NKAIN2: variants seen among roughly 807,000 people sequenced by gnomAD.
NKAIN2 encodes sodium/potassium transporting ATPase interacting 2.
A neutral mutation model predicts 32.6 loss-of-function variants in NKAIN2; 14 were observed. That is an observed-to-expected ratio of 0.43 (90% CI 0.28 to 0.67). The LOEUF is 0.67. NKAIN2 is among the 30% of genes least tolerant of loss of function. NKAIN2 has a pLI of 0.17. For missense variants in NKAIN2, 198 were observed against 258.3 expected (o/e 0.77, Z 1.60); for synonymous variants, 80 against 87.2 (o/e 0.92, Z 0.46).
At chr6:124,043,124 G>T (rs1036350481) in intron 1 of NKAIN2, among the ~76,000 whole-genome samples, 1 of 152,036 alleles carries the variant, frequency 6.6e-6, no homozygotes, top group South Asian at 2.1e-4. Context: ...TTGGGAGGCC[G>T]AGGTGGGCGG....
chr6:124,345,298 T>C (rs940201671), intron 2 of NKAIN2, among the ~76,000 whole-genome samples: 1 of 152,192 alleles, frequency 6.6e-6, no homozygotes, highest in African/African-American at 2.4e-5. Flanking sequence ...AATTCTCTTT[T>C]TTGGTTGTGT....
chr6:124,785,757 C>A (rs554017198), intron 4 of NKAIN2, among the ~76,000 whole-genome samples: 3 of 152,288 alleles, frequency 2.0e-5, no homozygotes, highest in Admixed American at 2.0e-4. Context: ...GTGGCTTTCA[C>A]TGATGCCATG....
intron 3 of NKAIN2, among the ~76,000 whole-genome samples, chr6:124,456,741 T>G (rs767450060): frequency 6.6e-6 from 1 of 151,998 alleles, no homozygotes; most frequent in Non-Finnish European, 1.5e-5. Context: ...CTTTTTAATG[T>G]GTTTATGATA....
intron 2 of NKAIN2, among the ~76,000 whole-genome samples, chr6:124,354,130 G>T (rs566805530): frequency 6.6e-6 from 1 of 152,098 alleles, no homozygotes; most frequent in African/African-American, 2.4e-5. Context: ...CTTCTGGAAG[G>T]TGTTTCTTAA....
intron 1 of NKAIN2, among the ~76,000 whole-genome samples, chr6:123,913,029 A>G (rs948857871): frequency 2.0e-5 from 3 of 152,180 alleles, no homozygotes; most frequent in African/African-American, 7.2e-5. Context: ...ATTGAATTCA[A>G]TATTATAGTA....
chr6:124,028,702 CACGTGTATATATACGTGTATAT>C (rs1260740571), intron 1 of NKAIN2, among the ~76,000 whole-genome samples: 1 of 149,000 alleles, frequency 6.7e-6, no homozygotes, highest in Admixed American at 6.7e-5. Context: ...TACATGTATA[CACGTGTATATATACGTGTATAT>C]ACGTGTATAC....
rs549619660 is a variant in NKAIN2 at position 124,121,952 on chromosome 6, C to T, written c.55-161053C>T. On this transcript the variant is annotated intron_variant, in intron 1 of 6. Coordinates refer to ENST00000368417, the MANE Select transcript of NKAIN2 (RefSeq NM_001040214.3). The stretch of plus-strand genomic sequence containing the variant: ...ACAAATATCTTAACCGTGAGTTTTT[C>T]AGAGTAATATTTTTCCATTTGTGTC... 856 of 1,112,152 alleles carry T rather than the reference C, an allele frequency of 7.7e-4. 5 individuals carry two copies. The highest frequency in any genetic ancestry group is 4.9e-3 in the Middle Eastern group (21 of 4,298). 68.9% of individuals were successfully genotyped at this position (1,112,152 alleles called of 1,614,324 possible).
rs964038899 is a variant in NKAIN2 at position 124,003,270 on chromosome 6, T to A, written c.54+199016T>A. The stretch of plus-strand genomic sequence containing the variant: ...ACATTAGTGACATTGTTTAGACACT[T>A]ACCATGTGCATTATTTTTTCTAAAA... On this transcript the variant is annotated intron_variant, in intron 1 of 6. Transcript: ENST00000368417. 3.3e-5 allele frequency among the ~76,000 whole-genome samples: 5 copies of A among 152,210 alleles called. No homozygotes were observed. In the East Asian group the frequency reaches 9.6e-4, roughly 29 times the overall value.
chr6:124,502,175 T>A (rs1306075431), intron 3 of NKAIN2, among the ~76,000 whole-genome samples: 3 of 152,030 alleles, frequency 2.0e-5, no homozygotes, highest in African/African-American at 4.8e-5. Flanking sequence ...GATAACAATG[T>A]ATAGTCACAT....
chr6:124,100,754 A>G (rs1356864726), intron 1 of NKAIN2, among the ~76,000 whole-genome samples: 1 of 152,212 alleles, frequency 6.6e-6, no homozygotes, highest in Admixed American at 6.5e-5. Flanking sequence ...GGCTTCTAAT[A>G]GATGTGGGGC....
At chr6:124,162,798 T>A (rs572439257) in intron 1 of NKAIN2, among the ~76,000 whole-genome samples, 1 of 152,254 alleles carries the variant, frequency 6.6e-6, no homozygotes, top group African/African-American at 2.4e-5. Context: ...AAGGTATTAC[T>A]GCTGTGATAC....
intron 1 of NKAIN2, among the ~76,000 whole-genome samples, chr6:124,279,347 A>C (rs1426667283): frequency 6.6e-6 from 1 of 152,028 alleles, no homozygotes; most frequent in Non-Finnish European, 1.5e-5. Flanking sequence ...CTCTACTAAA[A>C]AGACAAAAAA....
At chr6:124,028,875 G>GTA (rs1204342995) in intron 1 of NKAIN2, among the ~76,000 whole-genome samples, 6 of 37,182 alleles carry the variant, frequency 1.6e-4, no homozygotes, top group Non-Finnish European at 4.1e-4. Flanking sequence ...ACACATATAT[G>GTA]TATATATATG....
At chr6:124,424,925 G>A (rs1774917708) in intron 3 of NKAIN2, among the ~76,000 whole-genome samples, 1 of 152,102 alleles carries the variant, frequency 6.6e-6, no homozygotes. Context: ...TATATACCCA[G>A]AAGAAGGATT....
At chr6:124,587,622 C>T (rs1402516718) in intron 3 of NKAIN2, among the ~76,000 whole-genome samples, 2 of 152,158 alleles carry the variant, frequency 1.3e-5, no homozygotes, top group Non-Finnish European at 2.9e-5. Flanking sequence ...GAGCTGGCCC[C>T]AGGCCCAGGG....
intron 3 of NKAIN2, among the ~76,000 whole-genome samples, chr6:124,447,346 C>G (rs540721911): frequency 1.3e-4 from 20 of 152,082 alleles, no homozygotes; most frequent in African/African-American, 4.8e-4. Flanking sequence ...TGAATGCTAA[C>G]TGAATAAAAA....
intron 1 of NKAIN2, among the ~76,000 whole-genome samples, chr6:123,843,916 T>C (rs1282126835): frequency 6.6e-6 from 1 of 152,152 alleles, no homozygotes; most frequent in Non-Finnish European, 1.5e-5. Context: ...AGTCCGGGCA[T>C]GATTTTGACC....
intron 3 of NKAIN2, chr6:124,437,872 A>AT (rs374033234): frequency 0.31 from 103,985 of 340,280 alleles, 10,270 homozygotes; most frequent in East Asian, 0.37. Flanking sequence ...TGATCTATTG[A>AT]TTTTTTTTTT....
chr6:124,696,530 TG>T (rs1405454095), intron 4 of NKAIN2, among the ~76,000 whole-genome samples: 2 of 152,096 alleles, frequency 1.3e-5, no homozygotes, highest in Non-Finnish European at 2.9e-5. Flanking sequence ...GGACAAAAAA[TG>T]GATGTTCCTC....
Sources: allele counts gnomAD v4.1 joint callset (sites outside exome capture counted in the v4.1 genomes callset), GRCh38; gene constraint gnomAD v4.1.1; transcripts MANE v1.5; gene names NCBI Gene and HGNC (gene_info 2026-07-23, HGNC 2026-07-21).